Variants in NPAS3 observed in about 807,000 individuals in gnomAD.
NPAS3 encodes neuronal PAS domain protein 3.
NPAS3 carries 14 observed loss-of-function variants against 73.1 expected under a neutral mutation model. That is an observed-to-expected ratio of 0.19 (90% confidence interval 0.13 to 0.30). The LOEUF is 0.30. NPAS3 is among the 10% of genes least tolerant of loss of function. The pLI is 1.00. For missense variants in NPAS3, 1,096 were observed against 1,250.0 expected, an observed-to-expected ratio of 0.88 and a Z score of 1.86; for synonymous variants, 620 against 541.5, an observed-to-expected ratio of 1.14 and a Z score of -2.01.
chr14:33,425,533 A>G (rs887117643), intron 4 of NPAS3, among the ~76,000 whole-genome samples: 2 of 130,140 alleles, frequency 1.5e-5, no homozygotes, highest in Non-Finnish European at 3.1e-5. Flanking sequence ...CCCTGTTTCC[A>G]CTCCACCTTT....
rs182472736 is a variant in NPAS3, at chr14:33,473,241, T to A, written c.469-86880T>A. Among the ~76,000 whole-genome samples, 14 of 152,274 alleles carry A rather than the reference T, an allele frequency of 9.2e-5. No individual in the cohort carries two copies. In the East Asian group the frequency reaches 2.7e-3, roughly 29 times the overall value. ...AACGTGCATCAGAATCTTCACCTAA[T>A]AGGCATTTAAAACATATAAATGCAA... is the stretch of plus-strand genomic sequence containing the variant. On this transcript the variant is annotated intron_variant, in intron 4 of 11. Transcript: ENST00000356141.
intron 2 of NPAS3, among the ~76,000 whole-genome samples, chr14:33,200,275 C>G (rs1027837135): frequency 6.6e-6 from 1 of 151,814 alleles, no homozygotes; most frequent in African/African-American, 2.4e-5. Context: ...TTTCCACTCT[C>G]TGGGCTACTT....
At chr14:33,727,259 C>G (rs780448178) in intron 6 of NPAS3, among the ~76,000 whole-genome samples, 1 of 152,116 alleles carries the variant, frequency 6.6e-6, no homozygotes, top group Non-Finnish European at 1.5e-5. Flanking sequence ...TTAAAGTAAA[C>G]TTACAAAAGC....
At position 33,800,518 on chromosome 14, in the gene NPAS3, G is replaced by T; in HGVS notation, c.2211G>T (p.Ala737=). 1 of 1,391,342 alleles carries T rather than the reference G, an allele frequency of 7.2e-7. No individual in the cohort carries two copies. The allele number at this position is 1,391,342 out of a possible 1,614,324, so 86.2% of individuals were successfully genotyped here. Residue 737 remains alanine, a synonymous_variant, in exon 12 of 12, where the codon GCG becomes GCT. Transcript: ENST00000356141. The surrounding 1 kb of genome is among the most constrained non-coding windows in gnomAD (Gnocchi z 6.5). ...CTCAGTTCGGCGCCTCGGCCACCGCGGCCCTGGCCCCCGTCGCCTCCGACC... is the reference window on the plus strand; with the variant it reads ...CTCAGTTCGGCGCCTCGGCCACCGCTGCCCTGGCCCCCGTCGCCTCCGACC...
chr14:33,681,871 TGGAA>T (rs2059948165), intron 6 of NPAS3, among the ~76,000 whole-genome samples: 1 of 130,998 alleles, frequency 7.6e-6, no homozygotes, highest in Admixed American at 7.1e-5. Context: ...TTAGAGCTAT[TGGAA>T]GGGTAAGTGA....
At chr14:32,975,747 TAATAA>T (rs2037638678) in intron 1 of NPAS3, among the ~76,000 whole-genome samples, 1 of 148,888 alleles carries the variant, frequency 6.7e-6, no homozygotes, top group Admixed American at 6.8e-5. Flanking sequence ...CTCTGGTAGT[TAATAA>T]AACAAAACAA....
intron 4 of NPAS3, among the ~76,000 whole-genome samples, chr14:33,461,754 G>A (rs1030013080): frequency 2.6e-5 from 4 of 152,196 alleles, no homozygotes; most frequent in African/African-American, 9.6e-5. Context: ...TACTTCTTAA[G>A]CAACCCCGAA....
intron 1 of NPAS3, among the ~76,000 whole-genome samples, chr14:33,024,140 A>G (rs61982385): frequency 0.03 from 3,324 of 110,914 alleles, 48 homozygotes; most frequent in East Asian, 0.072. Flanking sequence ...GTGTGTGTGT[A>G]TATGTGTGTG....
chr14:33,079,323 TCC>T (rs2041779278), intron 2 of NPAS3, among the ~76,000 whole-genome samples: 1 of 135,676 alleles, frequency 7.4e-6, no homozygotes, highest in Non-Finnish European at 1.6e-5. Context: ...TTTTTCTTTT[TCC>T]TTTTTTTTTT....
At chr14:33,085,395 C>T (rs2041990117) in intron 2 of NPAS3, among the ~76,000 whole-genome samples, 1 of 152,182 alleles carries the variant, frequency 6.6e-6, no homozygotes, top group African/African-American at 2.4e-5. Flanking sequence ...GCTAATTGTG[C>T]TACAAATCCC....
chr14:33,462,242 G>A (rs1055709460), intron 4 of NPAS3, among the ~76,000 whole-genome samples: 6 of 152,094 alleles, frequency 3.9e-5, no homozygotes, highest in African/African-American at 1.2e-4. Context: ...CTTTCTGGAC[G>A]CAGTTCCTTC....
At chr14:33,398,625 G>A (rs1024643198) in intron 4 of NPAS3, among the ~76,000 whole-genome samples, 1 of 151,914 alleles carries the variant, frequency 6.6e-6, no homozygotes, top group African/African-American at 2.4e-5. Context: ...AATGTACTCT[G>A]GCCCTAAATA....
At chr14:33,209,709 CCTGT>C (rs2046960960) in intron 2 of NPAS3, among the ~76,000 whole-genome samples, 1 of 152,162 alleles carries the variant, frequency 6.6e-6, no homozygotes, top group Admixed American at 6.5e-5. Context: ...TCCATAAAAA[CCTGT>C]CTGTCTGGCT....
intron 6 of NPAS3, among the ~76,000 whole-genome samples, chr14:33,709,294 T>G (rs1434287497): frequency 6.6e-6 from 1 of 152,216 alleles, no homozygotes; most frequent in African/African-American, 2.4e-5. Flanking sequence ...AATCAGCTTC[T>G]TATAAATTTT....
chr14:33,106,543 T>C (rs1052855636), intron 2 of NPAS3, among the ~76,000 whole-genome samples: 10 of 152,180 alleles, frequency 6.6e-5, no homozygotes, highest in African/African-American at 2.4e-4. Flanking sequence ...AACAAAGTGG[T>C]TGACTAATCA....
rs527286192 is a variant in NPAS3 at position 32,989,800 on chromosome 14, TTAGA to T, written c.50+50436_50+50439del. Among the ~76,000 whole-genome samples the T allele has an allele frequency of 4.5e-4, 68 of 152,302 alleles. 1 individual carries two copies. Among genetic ancestry groups the T allele is most frequent in the African/African-American group, 7.9e-4 (33 of 41,556 alleles). On this transcript the variant is annotated intron_variant, in intron 1 of 11. Coordinates refer to ENST00000356141, the Ensembl canonical transcript of NPAS3. ...AAAGATCAGCTTGGGAGTGAGCTAGTTAGATTTGAATTTCAGAAAGATGACTCTG... is the reference window on the plus strand; with the variant it reads ...AAAGATCAGCTTGGGAGTGAGCTAGTTTTGAATTTCAGAAAGATGACTCTG...
At chr14:33,498,796 G>T (rs2052349570) in intron 4 of NPAS3, among the ~76,000 whole-genome samples, 1 of 151,960 alleles carries the variant, frequency 6.6e-6, no homozygotes, top group Admixed American at 6.6e-5. Context: ...TAACAAACTT[G>T]CATGTTCCGC....
chr14:33,077,774 G>GTTTTTTGTTTTTT lies in NPAS3; in HGVS notation c.140+21786_140+21787insGTTTTTTTTTTTT, dbSNP rs1555333251. Among the ~76,000 whole-genome samples, 110 of 87,490 alleles carry GTTTTTTGTTTTTT rather than the reference G, an allele frequency of 1.3e-3. 3 individuals are homozygous for GTTTTTTGTTTTTT. Among genetic ancestry groups the GTTTTTTGTTTTTT allele is most frequent in the Non-Finnish European group, 2.2e-3 (96 of 43,806 alleles). 57.4% of individuals were successfully genotyped at this position (87,490 alleles called of 152,430 possible). A position where few individuals can be genotyped will look rare whatever the true frequency, so the allele number is the denominator to read the frequency against. ...CTTTGCTCAAAACATTGCAGTAAGG[G>GTTTTTTGTTTTTT]TTTTTTTTTTTTTTTGCCCCTTTTG... On this transcript the variant is annotated intron_variant, in intron 2 of 11. Coordinates refer to ENST00000356141, the Ensembl canonical transcript of NPAS3.
chr14:33,083,857 T>G (rs2041940092), intron 2 of NPAS3, among the ~76,000 whole-genome samples: 1 of 152,146 alleles, frequency 6.6e-6, no homozygotes, highest in Non-Finnish European at 1.5e-5. Flanking sequence ...CTATCCACAG[T>G]AATTGAGCAA....
Sources: allele counts gnomAD v4.1 joint callset (sites outside exome capture counted in the v4.1 genomes callset), GRCh38; gene constraint gnomAD v4.1.1; non-coding constraint Gnocchi (gnomAD v3.1); transcripts MANE v1.5; gene names NCBI Gene and HGNC (gene_info 2026-07-23, HGNC 2026-07-21).